Variants in RNF103 observed in about 807,000 individuals in gnomAD.
RNF103 encodes ring finger protein 103, also known as E3 ubiquitin-protein ligase RNF103.
A neutral mutation model predicts 66.2 loss-of-function variants in RNF103; 23 were observed. The ratio of observed to expected loss-of-function variants is 0.35; its 90% CI spans 0.25 to 0.49. The LOEUF is 0.49. Ranked by LOEUF, RNF103 falls within the 20% of genes least tolerant of loss-of-function variation. The pLI, the probability that RNF103 is intolerant of heterozygous loss-of-function variation, is 0.98. For missense variants in RNF103, 730 were observed against 814.7 expected (o/e 0.90, Z 1.27); for synonymous variants, 297 against 289.9 (o/e 1.02, Z -0.25).
intron 2 of RNF103, among the ~76,000 whole-genome samples, 163 bp downstream of exon 2, chr2:86,620,166 CA>C (rs1445617732): frequency 2.0e-5 from 3 of 152,174 alleles, no homozygotes; most frequent in Non-Finnish European, 4.4e-5. Context: ...CCTCAGTCTC[CA>C]AAACCTTTTT....
intron 2 of RNF103, chr2:86,614,299 C>A (rs1343580274): frequency 2.0e-5 from 3 of 152,274 alleles, no homozygotes; most frequent in African/African-American, 7.2e-5. Flanking sequence ...TCCAAAAGTA[C>A]TTTATAAGTT....
In RNF103 at chr2:86,623,772, C is replaced by G. The variant is rs748456092; in HGVS notation, c.-886G>C. ...CGGATGGGCAGTGCCGGTCGCAGCACCCGTCCCCAACACCCCCGCCACCTC... is the reference window on the plus strand; with the variant it reads ...CGGATGGGCAGTGCCGGTCGCAGCAGCCGTCCCCAACACCCCCGCCACCTC... On this transcript the variant is annotated 5_prime_UTR_variant, in exon 1 of 4. Coordinates refer to ENST00000237455, the MANE Select transcript of RNF103 (RefSeq NM_005667.4). The G allele has an allele frequency of 1.6e-6, 2 of 1,282,852 alleles. No homozygotes were observed. The highest frequency in any genetic ancestry group is 3.1e-5 in the African/African-American group (2 of 64,316). The allele number at this position is 1,282,852 out of a possible 1,614,324, so 79.5% of individuals were successfully genotyped here. A position where few individuals can be genotyped will look rare whatever the true frequency, so the allele number is the denominator to read the frequency against.
chr2:86,623,138 A>G lies in RNF103; in HGVS notation c.-252T>C, dbSNP rs1679299862. On this transcript the variant is annotated 5_prime_UTR_variant, in exon 1 of 4. Transcript: ENST00000237455. ...GCCTCCCAGTCAAGAGCCGACAAAAATAAAGGGGAAAAACTCAAAACCCCC... is the reference window on the plus strand; with the variant it reads ...GCCTCCCAGTCAAGAGCCGACAAAAGTAAAGGGGAAAAACTCAAAACCCCC... 2 of 1,176,852 alleles carry G rather than the reference A, an allele frequency of 1.7e-6. No homozygotes were observed. The highest frequency in any genetic ancestry group is 2.9e-5 in the South Asian group (1 of 34,542). 72.9% of individuals were successfully genotyped at this position (1,176,852 alleles called of 1,614,324 possible).
At chr2:86,611,625 G>A (rs866829538) in intron 3 of RNF103, among the ~76,000 whole-genome samples, 10 of 152,116 alleles carry the variant, frequency 6.6e-5, no homozygotes, top group African/African-American at 1.7e-4. Context: ...GAAAACCGGC[G>A]AAGGACAGAA....
intron 2 of RNF103, chr2:86,618,006 G>A (rs1679090710): frequency 4.3e-6 from 2 of 461,562 alleles, no homozygotes; most frequent in Non-Finnish European, 8.6e-6. Flanking sequence ...TGCAAACCTT[G>A]AGCATCACTG....
chr2:86,619,860 C>T (rs1046710060), intron 2 of RNF103, among the ~76,000 whole-genome samples: 4 of 152,118 alleles, frequency 2.6e-5, no homozygotes, highest in Non-Finnish European at 5.9e-5. Flanking sequence ...CACCATTTTC[C>T]ACAACAGCTC....
chr2:86,618,590 A>G (rs1465686171), intron 2 of RNF103: 1 of 152,266 alleles, frequency 6.6e-6, no homozygotes, highest in East Asian at 1.9e-4. Flanking sequence ...AGCAGCCTAT[A>G]TAGCAAAAGA....
In RNF103 at chr2:86,604,596, C is replaced by T. The variant is rs1678474203; in HGVS notation, c.1305G>A (p.Glu435=). Residue 435 remains glutamate, a synonymous_variant, in exon 4 of 4, where the codon GAG becomes GAA. Coordinates refer to ENST00000237455, the MANE Select transcript of RNF103 (RefSeq NM_005667.4). ...LGHGLLIDYF[E]KKRRRNNNND... ...TGTTGTTGTTGCGCCTTCTCTTCTT[C>T]TCAAAGTAATCAATTAGTAAACCAT... 1 of 1,614,184 alleles carries T rather than the reference C, an allele frequency of 6.2e-7. No individual in the cohort carries two copies.
intron 1 of RNF103, among the ~76,000 whole-genome samples, chr2:86,621,701 T>C (rs1679236864): frequency 6.6e-6 from 1 of 152,170 alleles, no homozygotes; most frequent in African/African-American, 2.4e-5. Flanking sequence ...ATTTGTCTTG[T>C]AAAAGATACA....
intron 3 of RNF103, among the ~76,000 whole-genome samples, chr2:86,610,335 T>C (rs1678745443): frequency 1.3e-5 from 2 of 152,210 alleles, no homozygotes; most frequent in African/African-American, 4.8e-5. Context: ...TATGTATCTC[T>C]TCACCATTTC....
rs1679281465 is a variant in RNF103 at position 86,622,791 on chromosome 2, G to T, written c.96C>A (p.Ile32=). The change falls in exon 1 of 4, where the codon ATC becomes ATA. Residue 32 remains isoleucine (I), a synonymous_variant. Coordinates refer to ENST00000237455, the MANE Select transcript of RNF103 (RefSeq NM_005667.4). The part of the protein sequence containing the change: ...FEAIVWYETG[I]FATQLVDPVA... ...CCGGATCCACCAGCTGGGTGGCAAA[G>T]ATGCCAGTTTCATACCACACAATGG... is the stretch of plus-strand genomic sequence containing the variant. 1.2e-6 allele frequency: 2 copies of T among 1,614,178 alleles called. No individual in the cohort carries two copies. The highest frequency in any genetic ancestry group is 2.2e-5 in the South Asian group (2 of 91,074).
intron 3 of RNF103, among the ~76,000 whole-genome samples, chr2:86,606,785 T>G (rs1030465602): frequency 6.6e-6 from 1 of 152,088 alleles, no homozygotes; most frequent in African/African-American, 2.4e-5. Context: ...GTTATTTTAT[T>G]TTTATAATAA....
rs996885456 is a variant in RNF103, at chr2:86,603,994, C to T, written c.1907G>A (p.Gly636Glu). The T allele has an allele frequency of 6.2e-7, 1 of 1,614,008 alleles. No individual in the cohort carries two copies. Among genetic ancestry groups the T allele is most frequent in the Non-Finnish European group, 8.5e-7 (1 of 1,180,034 alleles). Reference sequence around the variant, plus strand: ...ATGAAACACATGACCACAAGGCAACCCCATTAGCAAACATCCATTTTCAAA... The same window carrying T: ...ATGAAACACATGACCACAAGGCAACTCCATTAGCAAACATCCATTTTCAAA... ...ENFENGCLLM[G>E]LPCGHVFHQN... Residue 636 changes from glycine (G) to glutamate (E), a missense_variant, in exon 4 of 4, where the codon GGG becomes GAG. By Grantham distance (98) the Gly-to-Glu change is moderately conservative. This residue lies in a region of RNF103 where 355 missense variants were observed against 351.9 expected (regional missense o/e 1.01). Transcript: ENST00000237455.
At chr2:86,622,630 G>A (rs747979728) in intron 1 of RNF103, 31 bp downstream of exon 1, 7 of 1,610,136 alleles carry the variant, frequency 4.3e-6, no homozygotes, top group Non-Finnish European at 5.9e-6. Flanking sequence ...CTCCCAGGTG[G>A]AGGGGACCCT....
rs1416514459 is a variant in RNF103, at chr2:86,623,481, C to T, written c.-595G>A. 2.0e-5 allele frequency: 20 copies of T among 982,422 alleles called. No homozygotes were observed. The highest frequency in any genetic ancestry group is 2.2e-5 in the Non-Finnish European group (18 of 828,906). The allele number at this position is 982,422 out of a possible 1,614,324, so 60.9% of individuals were successfully genotyped here. The stretch of plus-strand genomic sequence containing the variant: ...GGGAGGAGCGGCCGCCGCAACGCCG[C>T]GCCCGAAGCCCAGGCCCCAGGCCCC... On this transcript the variant is annotated 5_prime_UTR_variant, in exon 1 of 4. Transcript: ENST00000237455.
rs1678463124 is a variant in RNF103 at position 86,604,365 on chromosome 2, T to C, written c.1536A>G (p.Leu512=). ...CAAGACATTTAAATCGCCACATTGG[T>C]AAGTTTTTAATATAATCAGTTGGTA... ...PLIPTDYIKN[L]PMWRFKCLGV... is the part of the protein sequence containing the mutation. The change falls in exon 4 of 4, where the codon TTA becomes TTG. Residue 512 remains leucine (L), a synonymous_variant. Transcript: ENST00000237455. 3.7e-6 allele frequency: 6 copies of C among 1,614,206 alleles called. No individual in the cohort carries two copies. The highest frequency in any genetic ancestry group is 1.7e-5 in the Admixed American group (1 of 60,016).
intron 2 of RNF103, chr2:86,615,041 T>C (rs1452954069): frequency 1.2e-5 from 12 of 985,346 alleles, no homozygotes; most frequent in South Asian, 4.7e-5. Context: ...CTTTGAGACA[T>C]GTGATAAGAG....
At chr2:86,619,835 C>T (rs1181069268) in intron 2 of RNF103, among the ~76,000 whole-genome samples, 1 of 152,060 alleles carries the variant, frequency 6.6e-6, no homozygotes, top group Middle Eastern at 3.2e-3. Context: ...TCCTGAGTTA[C>T]GTAATGAGCA....
At chr2:86,618,800 A>G (rs1679116705) in intron 2 of RNF103, 1 of 152,244 alleles carries the variant, frequency 6.6e-6, no homozygotes, top group Non-Finnish European at 1.5e-5. Context: ...ATTAGAAATA[A>G]GTACCAGAGA....
Sources: allele counts gnomAD v4.1 joint callset (sites outside exome capture counted in the v4.1 genomes callset), GRCh38; gene constraint gnomAD v4.1.1; regional missense constraint gnomAD v4.1.1; transcripts MANE v1.5; gene names NCBI Gene and HGNC (gene_info 2026-07-23, HGNC 2026-07-21).